Variants in CNTN5 observed in about 807,000 individuals in gnomAD.
CNTN5 encodes contactin 5, also known as contactin-5.
In CNTN5, 77 loss-of-function variants were observed where a neutral mutation model predicts 129.1. The ratio of observed to expected loss-of-function variants is 0.60; its 90% CI spans 0.50 to 0.72. The LOEUF is 0.72. CNTN5 is among the 30% of genes least tolerant of loss of function. The pLI is 0.00. For synonymous variants in CNTN5, 509 were observed against 465.6 expected (o/e 1.09, Z -1.20); for missense variants, 1,478 against 1,328.8 (o/e 1.11, Z -1.75).
intron 3 of CNTN5, among the ~76,000 whole-genome samples, chr11:99,585,500 A>AT (rs1355272111): frequency 8.5e-5 from 13 of 152,048 alleles, no homozygotes; most frequent in Non-Finnish European, 1.3e-4. Context: ...TATTTAAAAA[A>AT]ATATATATAT....
chr11:100,142,774 A>G (rs192033844), intron 13 of CNTN5, among the ~76,000 whole-genome samples: 1 of 152,170 alleles, frequency 6.6e-6, no homozygotes, highest in East Asian at 1.9e-4. Flanking sequence ...TTTTTACTGT[A>G]AAGTACTTAT....
chr11:99,565,547 C>A (rs1052018980), intron 3 of CNTN5, among the ~76,000 whole-genome samples: 9 of 152,128 alleles, frequency 5.9e-5, no homozygotes, highest in African/African-American at 1.2e-4. Context: ...CTCAGAGGAA[C>A]CTTGTCCCTT....
At chr11:99,989,687 A>T (rs991895031) in intron 8 of CNTN5, among the ~76,000 whole-genome samples, 1 of 152,074 alleles carries the variant, frequency 6.6e-6, no homozygotes, top group African/African-American at 2.4e-5. Context: ...ATAAACATCT[A>T]CTTTTCTTTA....
intron 6 of CNTN5, among the ~76,000 whole-genome samples, chr11:99,908,228 C>G (rs1012315752): frequency 1.6e-4 from 25 of 151,872 alleles, no homozygotes; most frequent in Non-Finnish European, 3.2e-4. Flanking sequence ...GGTAAGGAGT[C>G]ATAGTAGTAG....
rs138307474 is a variant in CNTN5 at position 99,214,847 on chromosome 11, G to T, written c.-209-110499G>T. Among the ~76,000 whole-genome samples, 85 of 152,066 alleles carry T rather than the reference G, an allele frequency of 5.6e-4. 2 individuals carry two copies. The East Asian group carries it at 0.014, about 25-fold the overall frequency. On this transcript the variant is annotated intron_variant, in intron 1 of 24. Transcript: ENST00000524871. The stretch of plus-strand genomic sequence containing the variant: ...CATCCAACTCAGCTACCCTCCTGAT[G>T]CTTAAATTCTCTCCACAATATTTCT...
chr11:99,878,791 G>C (rs1039096819), intron 6 of CNTN5, among the ~76,000 whole-genome samples: 1 of 152,068 alleles, frequency 6.6e-6, no homozygotes, highest in Non-Finnish European at 1.5e-5. Flanking sequence ...GGAGGCAGAG[G>C]TTGCAGTGAG....
At chr11:99,852,149 C>A (rs1289747839) in intron 6 of CNTN5, among the ~76,000 whole-genome samples, 2 of 152,026 alleles carry the variant, frequency 1.3e-5, no homozygotes, top group African/African-American at 2.4e-5. Context: ...CTTCCATATA[C>A]AAATGACTCT....
At chr11:99,507,292 G>A (rs1012250216) in intron 2 of CNTN5, among the ~76,000 whole-genome samples, 21 of 147,730 alleles carry the variant, frequency 1.4e-4, no homozygotes, top group African/African-American at 4.0e-4. Context: ...CAGGAGAATC[G>A]CTTGAACCCG....
At chr11:100,124,270 G>A (rs764304498) in intron 13 of CNTN5, among the ~76,000 whole-genome samples, 51 of 152,058 alleles carry the variant, frequency 3.4e-4, no homozygotes, top group Non-Finnish European at 6.9e-4. Flanking sequence ...TTGAAAACTG[G>A]ATATTAGAAA....
chr11:99,431,286 A>G (rs1458531071), intron 2 of CNTN5, among the ~76,000 whole-genome samples: 1 of 152,130 alleles, frequency 6.6e-6, no homozygotes, highest in East Asian at 1.9e-4. Context: ...TGTACTTAAT[A>G]TAGAAACGGG....
chr11:99,677,771 G>GT (rs1953356771), intron 3 of CNTN5, among the ~76,000 whole-genome samples: 1 of 152,082 alleles, frequency 6.6e-6, no homozygotes, highest in Admixed American at 6.6e-5. Context: ...ATACGTGTAT[G>GT]TACCTATGTG....
At chr11:99,515,434 A>G (rs1947010086) in intron 2 of CNTN5, among the ~76,000 whole-genome samples, 2 of 152,074 alleles carry the variant, frequency 1.3e-5, no homozygotes, top group South Asian at 4.1e-4. Context: ...AGTATTAGGT[A>G]AACACTTGCT....
At chr11:99,396,066 C>A (rs1379123587) in intron 2 of CNTN5, among the ~76,000 whole-genome samples, 1 of 151,676 alleles carries the variant, frequency 6.6e-6, no homozygotes, top group African/African-American at 2.4e-5. Context: ...ATGGCTTTCT[C>A]TAGTTCTGTG....
At chr11:99,383,291 T>A (rs1940714806) in intron 2 of CNTN5, among the ~76,000 whole-genome samples, 1 of 152,186 alleles carries the variant, frequency 6.6e-6, no homozygotes, top group Admixed American at 6.6e-5. Flanking sequence ...AAATGATGAG[T>A]TACTAGCTTT....
intron 1 of CNTN5, among the ~76,000 whole-genome samples, chr11:99,127,449 T>C (rs1396749889): frequency 1.3e-5 from 2 of 152,150 alleles, no homozygotes; most frequent in Non-Finnish European, 2.9e-5. Flanking sequence ...AGTCTTGCCC[T>C]TTTGTTAGCC....
intron 1 of CNTN5, among the ~76,000 whole-genome samples, chr11:99,274,756 A>C (rs1321329706): frequency 6.6e-6 from 1 of 151,442 alleles, no homozygotes; most frequent in Admixed American, 6.6e-5. Flanking sequence ...GACCTAAAAA[A>C]AGTTAATCTT....
At chr11:99,632,206 A>G (rs1218631685) in intron 3 of CNTN5, among the ~76,000 whole-genome samples, 4 of 150,532 alleles carry the variant, frequency 2.7e-5, no homozygotes, top group Non-Finnish European at 5.9e-5. Flanking sequence ...AAAATGTAAT[A>G]ATGTACAAAT....
intron 3 of CNTN5, among the ~76,000 whole-genome samples, chr11:99,566,104 A>T (rs1565301776): frequency 6.6e-6 from 1 of 152,132 alleles, no homozygotes; most frequent in Non-Finnish European, 1.5e-5. Flanking sequence ...GGTGAGGTCT[A>T]GTGGGAGGTC....
intron 2 of CNTN5, among the ~76,000 whole-genome samples, chr11:99,365,805 C>T (rs1939411229): frequency 6.6e-6 from 1 of 152,078 alleles, no homozygotes; most frequent in Non-Finnish European, 1.5e-5. Context: ...TTTTGAGACA[C>T]AGCTCATCAA....
Sources: gnomAD v4.1 joint callset for allele counts (sites outside exome capture counted in the v4.1 genomes callset) on GRCh38, gnomAD v4.1.1 for gene constraint, MANE v1.5 for transcripts, NCBI Gene and HGNC (gene_info 2026-07-23, HGNC 2026-07-21) for gene names.